Variants in CGGBP1 observed in about 807,000 individuals in gnomAD.
The protein encoded by CGGBP1 is CGG triplet repeat-binding protein 1.
A neutral mutation model predicts 11.4 loss-of-function variants in CGGBP1; 4 were observed. The ratio of observed to expected loss-of-function variants is 0.35; its 90% CI spans 0.17 to 0.80. CGGBP1 has a LOEUF of 0.80. Ranked by LOEUF, CGGBP1 falls within the 30% of genes least tolerant of loss-of-function variation. The probability of loss-of-function intolerance (pLI) is 0.52; values close to 1 mark genes in which losing one functional copy is unlikely to be tolerated. For synonymous variants in CGGBP1, 76 were observed against 74.1 expected, an observed-to-expected ratio of 1.03 and a Z score of -0.13; for missense variants, 135 against 202.1, an observed-to-expected ratio of 0.67 and a Z score of 2.01.
chr3:88,135,465 C>G, intron 2 of CGGBP1: 1 of 238,852 alleles, frequency 4.2e-6, no homozygotes, highest in South Asian at 1.6e-4. Flanking sequence ...TTGTTACTTT[C>G]AATATTATCC....
At chr3:88,146,917 C>T (rs1490325789) in intron 1 of CGGBP1, among the ~76,000 whole-genome samples, 1 of 152,148 alleles carries the variant, frequency 6.6e-6, no homozygotes, top group African/African-American at 2.4e-5. Flanking sequence ...GCCCTTCAAG[C>T]CACCATTTTC....
At chr3:88,139,763 T>A in intron 2 of CGGBP1, 11 of 1,554,456 alleles carry the variant, frequency 7.1e-6, no homozygotes, top group Non-Finnish European at 9.6e-6. Flanking sequence ...AATGTGGGGA[T>A]GATTATGAGG....
intron 2 of CGGBP1, among the ~76,000 whole-genome samples, chr3:88,117,908 G>A (rs1009869400): frequency 1.3e-5 from 2 of 151,066 alleles, no homozygotes; most frequent in Non-Finnish European, 2.9e-5. Flanking sequence ...AGTTTTAAAT[G>A]TCTGGAACTT....
intron 3 of CGGBP1, 97 bp downstream of exon 3, chr3:88,057,094 T>C (rs1330180357): frequency 2.0e-5 from 3 of 152,198 alleles, no homozygotes; most frequent in Non-Finnish European, 4.4e-5. Flanking sequence ...GAATTCTGTC[T>C]GCATAAATAT....
At chr3:88,126,404 A>C (rs1306008651) in intron 2 of CGGBP1, 4 of 1,037,610 alleles carry the variant, frequency 3.9e-6, no homozygotes, top group Admixed American at 3.9e-5. Context: ...TTTCACATGA[A>C]AAGTGTTTGT....
intron 1 of CGGBP1, among the ~76,000 whole-genome samples, chr3:88,145,610 C>T (rs1707297712): frequency 6.6e-6 from 1 of 152,040 alleles, no homozygotes; most frequent in Admixed American, 6.6e-5. Context: ...CCAAATTAAG[C>T]TGATTTTCAT....
chr3:88,065,145 A>T (rs1449159551), intron 2 of CGGBP1, among the ~76,000 whole-genome samples: 1 of 152,256 alleles, frequency 6.6e-6, no homozygotes, highest in Non-Finnish European at 1.5e-5. Flanking sequence ...ATTTTGGCAC[A>T]TTTGGGATAT....
At chr3:88,058,613 A>C (rs1452396050) in intron 1 of CGGBP1, among the ~76,000 whole-genome samples, 3 of 152,206 alleles carry the variant, frequency 2.0e-5, no homozygotes, top group Non-Finnish European at 4.4e-5. Context: ...TCGACAGCCG[A>C]CTTGGCGGCA....
intron 2 of CGGBP1, among the ~76,000 whole-genome samples, chr3:88,114,320 A>G (rs767601332): frequency 6.6e-6 from 1 of 152,202 alleles, no homozygotes; most frequent in Non-Finnish European, 1.5e-5. Context: ...TTGGCTGACC[A>G]CTGATAATGG....
At chr3:88,066,122 G>A (rs1329449447) in intron 2 of CGGBP1, among the ~76,000 whole-genome samples, 4 of 152,154 alleles carry the variant, frequency 2.6e-5, no homozygotes, top group Non-Finnish European at 5.9e-5. Context: ...CATGTGAGAT[G>A]CTTTTTTAAA....
At chr3:88,149,004 A>G (rs560161798) in intron 1 of CGGBP1, among the ~76,000 whole-genome samples, 76 of 152,308 alleles carry the variant, frequency 5.0e-4, no homozygotes, top group African/African-American at 1.7e-3. Context: ...CATTTCAGCT[A>G]CTAAATGGCA....
chr3:88,090,045 A>G (rs536624122), intron 2 of CGGBP1, among the ~76,000 whole-genome samples: 127 of 152,338 alleles, frequency 8.3e-4, no homozygotes, highest in Middle Eastern at 3.4e-3. Context: ...AGTATAGCAT[A>G]TAGAATTATA....
At chr3:88,118,251 C>T (rs1475466417) in intron 2 of CGGBP1, among the ~76,000 whole-genome samples, 2 of 152,110 alleles carry the variant, frequency 1.3e-5, no homozygotes, top group East Asian at 1.9e-4. Flanking sequence ...TGAGACACAA[C>T]CTGTTTTTTA....
intron 2 of CGGBP1, among the ~76,000 whole-genome samples, chr3:88,101,971 A>T (rs1398938502): frequency 1.3e-5 from 2 of 151,656 alleles, no homozygotes; most frequent in Non-Finnish European, 2.9e-5. Flanking sequence ...AATCTATCAA[A>T]TTTTTTTGCC....
intron 2 of CGGBP1, among the ~76,000 whole-genome samples, chr3:88,079,059 G>A (rs941681544): frequency 2.0e-5 from 3 of 152,018 alleles, no homozygotes; most frequent in African/African-American, 4.8e-5. Context: ...GAGGATTAAC[G>A]TACAGTTATA....
intron 2 of CGGBP1, among the ~76,000 whole-genome samples, chr3:88,087,192 C>T (rs1446634386): frequency 6.6e-6 from 1 of 152,116 alleles, no homozygotes; most frequent in African/African-American, 2.4e-5. Context: ...GATTCTCATG[C>T]CTCAGCCCCA....
At chr3:88,106,455 A>T (rs1261761529) in intron 2 of CGGBP1, among the ~76,000 whole-genome samples, 5 of 151,912 alleles carry the variant, frequency 3.3e-5, no homozygotes, top group Admixed American at 3.3e-4. Flanking sequence ...CTCCTGCCTC[A>T]GCCTCAGGAG....
chr3:88,112,776 T>G (rs966611785), intron 2 of CGGBP1, among the ~76,000 whole-genome samples: 2 of 152,066 alleles, frequency 1.3e-5, no homozygotes, highest in African/African-American at 4.8e-5. Context: ...AGCTGGACTT[T>G]GGGTTCATTT....
chr3:88,140,532 T>A, intron 2 of CGGBP1: 1 of 1,613,758 alleles, frequency 6.2e-7, no homozygotes, highest in Non-Finnish European at 8.5e-7. Context: ...AAATATAAGC[T>A]TGATAGACCA....
Sources: gnomAD v4.1 joint callset for allele counts (sites outside exome capture counted in the v4.1 genomes callset) on GRCh38, gnomAD v4.1.1 for gene constraint, MANE v1.5 for transcripts, NCBI Gene and HGNC (gene_info 2026-07-23, HGNC 2026-07-21) for gene names.